EEF1E1: variants seen among roughly 807,000 people sequenced by gnomAD.
The protein encoded by EEF1E1 is eukaryotic translation elongation factor 1 epsilon 1, also known as eukaryotic translation elongation factor 1 epsilon-1.
EEF1E1 carries 19 observed loss-of-function variants against 19.9 expected under a neutral mutation model. The ratio of observed to expected loss-of-function variants is 0.95; its 90% CI spans 0.66 to 1.40. The LOEUF (loss-of-function observed/expected upper bound fraction) is 1.40, where lower values mean the gene tolerates loss of function less well. Among genes scored for constraint, EEF1E1 ranks in the 40% most tolerant of loss-of-function variants. EEF1E1 has a pLI of 0.00. For missense variants in EEF1E1, 198 were observed against 202.2 expected (o/e 0.98, Z 0.13); for synonymous variants, 81 against 80.0 (o/e 1.01, Z -0.07).
Position 8,102,495 on chromosome 6 carries a change from T to C in EEF1E1, c.27A>G (p.Leu9=), listed in dbSNP as rs1364975454. ...TACTCAGTCCCAGGGACTTCTCCAGTAGCGACAACTCTGCGGCCGCCGCCA... is the reference window on the plus strand; with the variant it reads ...TACTCAGTCCCAGGGACTTCTCCAGCAGCGACAACTCTGCGGCCGCCGCCA... MAAAAELS[L]LEKSLGLSKG... The change falls in exon 1 of 4, where the codon CTA becomes CTG. Residue 9 remains leucine (L), a synonymous_variant. Transcript: ENST00000379715. The C allele has an allele frequency of 6.2e-7, 1 of 1,612,012 alleles. No homozygotes were observed. Among genetic ancestry groups the C allele is most frequent in the Non-Finnish European group, 8.5e-7 (1 of 1,179,966 alleles).
chr6:8,073,444 C>A, exon 4 of EEF1E1: 1 of 1,550,918 alleles, frequency 6.4e-7, no homozygotes, highest in Non-Finnish European at 8.7e-7. Flanking sequence ...AATCTCAGTT[C>A]CTTGATCTCA....
At chr6:8,101,243 A>AGAAAAAT (rs1554099866) in intron 1 of EEF1E1, among the ~76,000 whole-genome samples, 1 of 58,470 alleles carries the variant, frequency 1.7e-5, no homozygotes, top group Non-Finnish European at 2.9e-5. Flanking sequence ...AAAAAAAAAA[A>AGAAAAAT]ATATATATAT....
At chr6:8,099,468 T>C (rs1297739372) in intron 1 of EEF1E1, among the ~76,000 whole-genome samples, 1 of 152,100 alleles carries the variant, frequency 6.6e-6, no homozygotes, top group Non-Finnish European at 1.5e-5. Flanking sequence ...ACTCTAAGGC[T>C]GGGCGCAGTG....
At chr6:8,081,083 T>G (rs751616800) in intron 3 of EEF1E1, among the ~76,000 whole-genome samples, 36 of 152,248 alleles carry the variant, frequency 2.4e-4, no homozygotes, top group Non-Finnish European at 4.8e-4. Context: ...ACAATAAAAT[T>G]AAAAAGTAGG....
At chr6:8,073,456 T>C (rs1196382851) in exon 4 of EEF1E1, 5 of 1,551,300 alleles carry the variant, frequency 3.2e-6, no homozygotes, top group Non-Finnish European at 4.4e-6. Flanking sequence ...TTGATCTCAG[T>C]TCCTTGTATG....
intron 1 of EEF1E1, among the ~76,000 whole-genome samples, chr6:8,101,275 T>C (rs1217273625): frequency 8.9e-6 from 1 of 111,902 alleles, no homozygotes; most frequent in Non-Finnish European, 1.8e-5. Flanking sequence ...TATATATATA[T>C]ATATATATGG....
rs141587048 is a variant in EEF1E1 at position 8,094,833 on chromosome 6, A to C, written c.288+2434T>G. On this transcript the variant is annotated intron_variant, in intron 2 of 3. Coordinates refer to ENST00000379715, the MANE Select transcript of EEF1E1 (RefSeq NM_004280.5). ...AATGTGAAGTGAAGACTATGAGGAT[A>C]AAGAGCTATATGACAATCCACTTCC... Among the ~76,000 whole-genome samples the C allele has an allele frequency of 2.8e-4, 43 of 152,346 alleles. 2 individuals carry two copies. The East Asian group carries it at 8.3e-3, about 29-fold the overall frequency.
At chr6:8,099,750 A>AC (rs1481019834) in intron 1 of EEF1E1, among the ~76,000 whole-genome samples, 24 of 84,714 alleles carry the variant, frequency 2.8e-4, no homozygotes, top group South Asian at 1.0e-3. Context: ...TCCGCCTCAA[A>AC]AACACACACA....
chr6:8,091,234 G>A (rs1403026498), intron 2 of EEF1E1, among the ~76,000 whole-genome samples: 1 of 152,030 alleles, frequency 6.6e-6, no homozygotes, highest in Non-Finnish European at 1.5e-5. Context: ...CATCCTAATG[G>A]GTGTGAGATG....
intron 1 of EEF1E1, chr6:8,101,754 C>A (rs1758370884): frequency 1.6e-6 from 2 of 1,289,108 alleles, no homozygotes; most frequent in East Asian, 1.1e-4. Flanking sequence ...CCTAACCAGG[C>A]AATCTCATAC....
At chr6:8,099,783 C>CACACAA (rs1758283956) in intron 1 of EEF1E1, among the ~76,000 whole-genome samples, 1 of 98,244 alleles carries the variant, frequency 1.0e-5, no homozygotes, top group Admixed American at 1.0e-4. Context: ...CACACACACA[C>CACACAA]ACACACACAA....
At position 8,102,453 on chromosome 6, in the gene EEF1E1, A is replaced by C; in HGVS notation, c.69T>G (p.Ser23Arg). The change falls in exon 1 of 4, where the codon AGT becomes AGG. Residue 23 changes from serine to arginine, a missense_variant. Physicochemically the swap from Ser to Arg is moderately radical, Grantham distance 110 (BLOSUM62 -1). Transcript: ENST00000379715. ...SLGLSKGNKY[S>R]AQGERQIPVL... is the part of the protein sequence containing the mutation. ...TTCTCACCTGTCGCTCGCCCTGAGC[A>C]CTGTATTTATTCCCCTTACTCAGTC... The C allele has an allele frequency of 6.2e-7, 1 of 1,612,300 alleles. No homozygotes were observed. The highest frequency in any genetic ancestry group is 1.1e-5 in the South Asian group (1 of 91,066).
chr6:8,080,443 G>A (rs1290046028), intron 3 of EEF1E1, among the ~76,000 whole-genome samples: 1 of 152,168 alleles, frequency 6.6e-6, no homozygotes, highest in Non-Finnish European at 1.5e-5. Flanking sequence ...CTTAATATAA[G>A]GAGGGGCTAC....
At chr6:8,092,022 G>A (rs1310992326) in intron 2 of EEF1E1, among the ~76,000 whole-genome samples, 5 of 152,172 alleles carry the variant, frequency 3.3e-5, no homozygotes, top group African/African-American at 1.2e-4. Flanking sequence ...TCTGGTAAGG[G>A]CTTGCTTCCT....
chr6:8,083,253 T>C (rs1034554848), intron 3 of EEF1E1, among the ~76,000 whole-genome samples: 5 of 152,244 alleles, frequency 3.3e-5, no homozygotes, highest in African/African-American at 1.2e-4. Context: ...CCTTTCCAAC[T>C]GGCACCACGT....
Position 8,099,785 on chromosome 6 carries a change from C to CAA in EEF1E1, c.88-2319_88-2318insTT, listed in dbSNP as rs1158370694. Among the ~76,000 whole-genome samples, 275 of 94,368 alleles carry CAA rather than the reference C, an allele frequency of 2.9e-3. 12 individuals are homozygous for CAA. The highest frequency in any genetic ancestry group is 0.017 in the Admixed American group (158 of 9,568). 61.9% of individuals were successfully genotyped at this position (94,368 alleles called of 152,430 possible). On this transcript the variant is annotated intron_variant, in intron 1 of 3. Transcript: ENST00000379715. ...ACACACACACACACACACACACACA[C>CAA]ACACACAAAAAAAAAACAGAACCCT...
At chr6:8,097,873 G>A (rs1422653568) in intron 1 of EEF1E1, among the ~76,000 whole-genome samples, 1 of 152,026 alleles carries the variant, frequency 6.6e-6, no homozygotes, top group Admixed American at 6.6e-5. Context: ...CCCCTATTAC[G>A]ACAGCAATAT....
rs188568613 is a variant in EEF1E1, at chr6:8,088,537, C to A, written c.384+1649G>T. On this transcript the variant is annotated intron_variant, in intron 3 of 3. Transcript: ENST00000379715. ...ATAAGTGGGAGTTCCCCTGCACAAG[C>A]CCTCTCTGCCTGCTGCCATCCATGT... Among the ~76,000 whole-genome samples the A allele has an allele frequency of 2.5e-3, 379 of 152,288 alleles. 3 individuals are homozygous for A. Among genetic ancestry groups the A allele is most frequent in the Non-Finnish European group, 4.1e-3 (276 of 68,018 alleles).
chr6:8,080,153 A>C, intron 3 of EEF1E1, 123 bp from the exon 4 acceptor site: 11 of 1,020,544 alleles, frequency 1.1e-5, no homozygotes, highest in Non-Finnish European at 1.6e-5. Flanking sequence ...GAGCTCTCAA[A>C]AGCCAACATA....
Sources: gnomAD v4.1 joint callset for allele counts (sites outside exome capture counted in the v4.1 genomes callset) on GRCh38, gnomAD v4.1.1 for gene constraint, MANE v1.5 for transcripts, NCBI Gene and HGNC (gene_info 2026-07-23, HGNC 2026-07-21) for gene names.